The following OR10R2 variants were observed in gnomAD, a reference collection of about 807,000 sequenced individuals.
OR10R2 encodes the protein olfactory receptor family 10 subfamily R member 2.
Under a neutral mutation model 2.4 loss-of-function variants are expected in OR10R2, and 1 was observed. That is an observed-to-expected ratio of 0.41 (90% confidence interval 0.15 to 1.95). OR10R2 has a LOEUF of 1.95. OR10R2 is among the 30% of genes most tolerant of loss of function. The pLI is 0.30. For missense variants in OR10R2, 419 were observed against 373.0 expected (o/e 1.12, Z -1.01); for synonymous variants, 166 against 144.8 (o/e 1.15, Z -1.05).
At chr1:158,478,662 C>G (rs1173283497) in intron 1 of OR10R2, among the ~76,000 whole-genome samples, 1 of 152,088 alleles carries the variant, frequency 6.6e-6, no homozygotes, top group Non-Finnish European at 1.5e-5. Context: ...AATGACTCTA[C>G]AATGGACCAT....
chr1:158,473,309 T>C (rs1452169588), intron 1 of OR10R2, among the ~76,000 whole-genome samples: 1 of 152,168 alleles, frequency 6.6e-6, no homozygotes, highest in African/African-American at 2.4e-5. Flanking sequence ...AGTCTTTGAT[T>C]CTAAGAGCTT....
At chr1:158,478,137 C>T (rs1201179608) in intron 1 of OR10R2, among the ~76,000 whole-genome samples, 1 of 152,126 alleles carries the variant, frequency 6.6e-6, no homozygotes, top group African/African-American at 2.4e-5. Flanking sequence ...TCACTTTTCA[C>T]CATATACAAA....
exon 2 of OR10R2, chr1:158,480,737 T>C (rs776636389): frequency 6.2e-7 from 1 of 1,613,292 alleles, no homozygotes; most frequent in Non-Finnish European, 8.5e-7. Context: ...GCAAACTATG[T>C]GTCCAACAAA....
exon 2 of OR10R2, chr1:158,480,177 G>A (rs546544513): frequency 1.9e-6 from 3 of 1,614,044 alleles, no homozygotes; most frequent in East Asian, 4.5e-5. Context: ...TTCTACCCAA[G>A]ATGCTCATCA....
intron 1 of OR10R2, among the ~76,000 whole-genome samples, chr1:158,475,564 T>A (rs910813378): frequency 1.3e-4 from 19 of 151,950 alleles, no homozygotes; most frequent in African/African-American, 4.6e-4. Context: ...CTGTATGCTT[T>A]TATCTGTTTT....
exon 2 of OR10R2, chr1:158,480,822 G>A (rs1557877389): frequency 4.4e-6 from 7 of 1,603,872 alleles, no homozygotes; most frequent in Non-Finnish European, 6.0e-6. Flanking sequence ...TCAGAAACAA[G>A]GATGTCCAAC....
At chr1:158,474,673 A>C (rs1656238699) in intron 1 of OR10R2, 1 of 152,204 alleles carries the variant, frequency 6.6e-6, no homozygotes, top group Admixed American at 6.5e-5. Context: ...TCTATCTGCA[A>C]GAAAAAGTAC....
In OR10R2 at chr1:158,478,457, T is replaced by C. The variant is rs543644100; in HGVS notation, c.28-1481T>C. On this transcript the variant is annotated intron_variant, in intron 1 of 1. Coordinates refer to ENST00000641067, the Ensembl canonical transcript of OR10R2. The stretch of plus-strand genomic sequence containing the variant: ...AAGCTAATTTTATTTAATGGGATTC[T>C]ACCTGACTAAAAAGTATTCTTGTCT... Among the ~76,000 whole-genome samples the C allele has an allele frequency of 3.3e-5, 5 of 152,328 alleles. No homozygotes were observed. In the East Asian group the frequency reaches 7.7e-4, roughly 24 times the overall value.
intron 1 of OR10R2, 121 bp downstream of exon 1, chr1:158,472,473 G>T (rs921527868): frequency 2.0e-5 from 8 of 397,338 alleles, no homozygotes; most frequent in Admixed American, 8.8e-5. Flanking sequence ...CCTGGGCCAT[G>T]ATTAAGATAT....
chr1:158,475,901 A>G (rs980074707), intron 1 of OR10R2, among the ~76,000 whole-genome samples: 2 of 151,982 alleles, frequency 1.3e-5, no homozygotes, highest in African/African-American at 4.8e-5. Context: ...AAAATGTATT[A>G]AAGATGTATT....
chr1:158,480,739 T>C, exon 2 of OR10R2: 1 of 1,613,352 alleles, frequency 6.2e-7, no homozygotes, highest in Non-Finnish European at 8.5e-7. Flanking sequence ...AAACTATGTG[T>C]CCAACAAAGA....
exon 2 of OR10R2, chr1:158,480,503 G>T (rs1427918025): frequency 1.2e-6 from 2 of 1,613,492 alleles, no homozygotes; most frequent in Non-Finnish European, 1.7e-6. Context: ...CTTCTGGCTT[G>T]TACCAACACA....
chr1:158,472,396 A>AT, intron 1 of OR10R2, 44 bp downstream of exon 1: 1 of 399,036 alleles, frequency 2.5e-6, no homozygotes, highest in Non-Finnish European at 4.4e-6. Flanking sequence ...AGAGACTAGC[A>AT]GGAAGATGTG....
intron 1 of OR10R2, among the ~76,000 whole-genome samples, chr1:158,478,366 T>C (rs945869299): frequency 7.2e-5 from 11 of 152,114 alleles, no homozygotes; most frequent in Non-Finnish European, 1.0e-4. Context: ...AGAGAAGAGA[T>C]TCTTATTTCT....
exon 2 of OR10R2, chr1:158,480,936 G>T: frequency 1.2e-6 from 1 of 856,068 alleles, no homozygotes; most frequent in Admixed American, 3.0e-5. Context: ...TTTATCACAA[G>T]CATATTATAA....
At chr1:158,475,843 TA>T (rs1169287666) in intron 1 of OR10R2, among the ~76,000 whole-genome samples, 1 of 151,920 alleles carries the variant, frequency 6.6e-6, no homozygotes, top group Non-Finnish European at 1.5e-5. Flanking sequence ...TGTATTTTAT[TA>T]ACATATAAAT....
intron 1 of OR10R2, among the ~76,000 whole-genome samples, chr1:158,478,947 T>C (rs1405157915): frequency 6.6e-6 from 1 of 152,194 alleles, no homozygotes; most frequent in African/African-American, 2.4e-5. Flanking sequence ...AGGTATATAA[T>C]ATCTTCTTTT....
chr1:158,480,189 T>C, exon 2 of OR10R2: 1 of 1,614,090 alleles, frequency 6.2e-7, no homozygotes, highest in African/African-American at 1.3e-5. Flanking sequence ...TGCTCATCAA[T>C]CTACTTTCTG....
exon 2 of OR10R2, chr1:158,480,109 C>A (rs201080691): frequency 6.2e-7 from 1 of 1,613,488 alleles, no homozygotes; most frequent in Admixed American, 1.7e-5. Flanking sequence ...CCTCCACACA[C>A]CAATGTACTT....
Sources: gnomAD v4.1 joint callset for allele counts (sites outside exome capture counted in the v4.1 genomes callset) on GRCh38, gnomAD v4.1.1 for gene constraint, MANE v1.5 for transcripts, NCBI Gene and HGNC (gene_info 2026-07-23, HGNC 2026-07-21) for gene names.